TGFBR3: variants seen among roughly 807,000 people sequenced by gnomAD.
The protein encoded by TGFBR3 is transforming growth factor beta receptor 3.
Under a neutral mutation model 87.9 loss-of-function variants are expected in TGFBR3, and 46 were observed. That is an observed-to-expected ratio of 0.52 (90% confidence interval 0.41 to 0.67). TGFBR3 has a LOEUF of 0.67. TGFBR3 is among the 30% of genes least tolerant of loss of function. TGFBR3 has a pLI of 0.00. For synonymous variants in TGFBR3, 381 were observed against 391.6 expected (o/e 0.97, Z 0.32); for missense variants, 866 against 1,041.9 (o/e 0.83, Z 2.32).
chr1:91,805,513 T>G (rs1407416085), intron 2 of TGFBR3, among the ~76,000 whole-genome samples: 1 of 152,196 alleles, frequency 6.6e-6, no homozygotes, highest in Non-Finnish European at 1.5e-5. Flanking sequence ...TTTACTGACC[T>G]GAAGACAGCA....
At chr1:91,777,438 CT>C (rs1674603721) in intron 3 of TGFBR3, among the ~76,000 whole-genome samples, 1 of 152,170 alleles carries the variant, frequency 6.6e-6, no homozygotes, top group South Asian at 2.1e-4. Flanking sequence ...GTCTCCTCCC[CT>C]AGTCTTGGAA....
intron 1 of TGFBR3, among the ~76,000 whole-genome samples, chr1:91,874,344 A>T (rs1678702446): frequency 6.6e-6 from 1 of 152,192 alleles, no homozygotes. Context: ...TCAGGGACCA[A>T]CAGTCAGGTG....
intron 14 of TGFBR3, 122 bp downstream of exon 14, chr1:91,708,541 A>G: frequency 6.6e-7 from 1 of 1,524,388 alleles, no homozygotes; most frequent in Non-Finnish European, 9.0e-7. Context: ...ATGGTCTTCT[A>G]AAGTAACTAA....
intron 1 of TGFBR3, among the ~76,000 whole-genome samples, chr1:91,875,862 C>T (rs1268532673): frequency 2.6e-5 from 3 of 116,270 alleles, no homozygotes; most frequent in Non-Finnish European, 3.3e-5. Flanking sequence ...AGTGAGCCAA[C>T]GTCGTGCCAA....
rs1006781143 is a variant in TGFBR3 at position 91,683,333 on chromosome 1, C to T, written c.*406G>A. On this transcript the variant is annotated 3_prime_UTR_variant, in exon 17 of 17. Coordinates refer to ENST00000212355, the MANE Select transcript of TGFBR3 (RefSeq NM_003243.5). ...CTTTGGCCGCATCTCCTCACTGGTT[C>T]TACTATCTGGCTATTAACCCTTTAC... 11 of 470,056 alleles carry T rather than the reference C, an allele frequency of 2.3e-5. No individual in the cohort carries two copies. The highest frequency in any genetic ancestry group is 4.7e-5 in the Admixed American group (2 of 43,002). The allele number at this position is 470,056 out of a possible 1,614,324, so 29.1% of individuals were successfully genotyped here.
Position 91,904,777 on chromosome 1 carries a change from G to A in TGFBR3, c.-175+1049C>T, listed in dbSNP as rs1679808529. On this transcript the variant is annotated intron_variant, in intron 1 of 17. Transcript: ENST00000370399. ...GACAGGGTTTTGTCATGTTGGCCAG[G>A]CTGGTCTCGAACTCCTGACCTCAGG... 3.3e-5 allele frequency among the ~76,000 whole-genome samples: 5 copies of A among 152,138 alleles called. No individual in the cohort carries two copies. The South Asian group carries it at 1.0e-3, about 32-fold the overall frequency.
At chr1:91,836,994 T>C (rs1347208780) in intron 2 of TGFBR3, among the ~76,000 whole-genome samples, 1 of 152,264 alleles carries the variant, frequency 6.6e-6, no homozygotes, top group East Asian at 1.9e-4. Context: ...GACAAGATAC[T>C]ACTGGCTTCC....
chr1:91,774,204 C>A (rs1289791257), intron 3 of TGFBR3, among the ~76,000 whole-genome samples: 1 of 151,674 alleles, frequency 6.6e-6, no homozygotes, highest in African/African-American at 2.4e-5. Context: ...GTGGCACGAT[C>A]TCGGCTCACT....
At chr1:91,862,635 C>T (rs895629504) in intron 1 of TGFBR3, among the ~76,000 whole-genome samples, 2 of 152,158 alleles carry the variant, frequency 1.3e-5, no homozygotes, top group Non-Finnish European at 2.9e-5. Context: ...CTGATTTAGA[C>T]ACTCCAAAGT....
chr1:91,816,243 A>G (rs1422166336), intron 2 of TGFBR3, among the ~76,000 whole-genome samples: 1 of 152,196 alleles, frequency 6.6e-6, no homozygotes, highest in Non-Finnish European at 1.5e-5. Context: ...AAAAGAAAAC[A>G]ACCCATCTCA....
chr1:91,785,622 G>A (rs1674928053), intron 3 of TGFBR3, among the ~76,000 whole-genome samples: 1 of 152,016 alleles, frequency 6.6e-6, no homozygotes, highest in Non-Finnish European at 1.5e-5. Context: ...CACACCTGGC[G>A]CCCACTCTGT....
chr1:91,778,584 TTAA>T lies in TGFBR3; in HGVS notation c.246+18700_246+18702del, dbSNP rs1363514651. On this transcript the variant is annotated intron_variant, in intron 3 of 16. Transcript: ENST00000212355. ...ATAACTAGATCTTCAAAAAATATAA[TTAA>T]TGAGAAACTTCCATATATAGAATTT... Among the ~76,000 whole-genome samples, 6 of 152,292 alleles carry T rather than the reference TTAA, an allele frequency of 3.9e-5. No individual in the cohort carries two copies. The East Asian group carries it at 7.7e-4, about 20-fold the overall frequency.
Position 91,683,252 on chromosome 1 carries a change from G to T in TGFBR3, c.*487C>A. On this transcript the variant is annotated 3_prime_UTR_variant, in exon 17 of 17. Coordinates refer to ENST00000212355, the MANE Select transcript of TGFBR3 (RefSeq NM_003243.5). ...AAGGTGCAAATTAGACAGGAGGATC[G>T]CTTAGAAAGCCTCAAAGCATTTCTT... The T allele has an allele frequency of 2.2e-6, 1 of 454,908 alleles. No homozygotes were observed. The highest frequency in any genetic ancestry group is 1.6e-5 in the South Asian group (1 of 64,482). 28.2% of individuals were successfully genotyped at this position (454,908 alleles called of 1,614,324 possible).
intron 3 of TGFBR3, among the ~76,000 whole-genome samples, chr1:91,781,108 A>T (rs1390707315): frequency 6.6e-6 from 1 of 152,176 alleles, no homozygotes; most frequent in Admixed American, 6.5e-5. Flanking sequence ...GAAGCCACCC[A>T]TGGCCTATGA....
At chr1:91,791,401 T>C (rs2100991941) in intron 3 of TGFBR3, among the ~76,000 whole-genome samples, 1 of 152,194 alleles carries the variant, frequency 6.6e-6, no homozygotes, top group South Asian at 2.1e-4. Context: ...TTATAATTAC[T>C]GACATGTGGT....
chr1:91,804,101 A>G (rs1038246680), intron 2 of TGFBR3, among the ~76,000 whole-genome samples: 15 of 152,150 alleles, frequency 9.9e-5, no homozygotes, highest in Admixed American at 3.9e-4. Context: ...CTTTGTGCCA[A>G]TAAGGGACTG....
chr1:91,797,940 G>A (rs951177363), intron 2 of TGFBR3, among the ~76,000 whole-genome samples: 6 of 152,134 alleles, frequency 3.9e-5, no homozygotes, highest in African/African-American at 1.2e-4. Flanking sequence ...GAACAATACA[G>A]AGCAAGATGT....
At chr1:91,699,564 T>C (rs1486854387) in intron 14 of TGFBR3, among the ~76,000 whole-genome samples, 3 of 151,412 alleles carry the variant, frequency 2.0e-5, no homozygotes, top group Non-Finnish European at 2.9e-5. Flanking sequence ...AAAATGTTAA[T>C]GTACTTTTTG....
In TGFBR3 at chr1:91,758,472, A is replaced by G. The variant is rs1159611669; in HGVS notation, c.384+141T>C. 8.0e-6 allele frequency: 8 copies of G among 1,002,334 alleles called. No individual in the cohort carries two copies. The East Asian group carries it at 1.9e-4, about 24-fold the overall frequency. 62.1% of individuals were successfully genotyped at this position (1,002,334 alleles called of 1,614,324 possible). ...TCTATGTCATCATCCAAATATCACT[A>G]AGTGCATCCTCCAAATTTAACACTC... On this transcript the variant is annotated intron_variant, in intron 4 of 16. Transcript: ENST00000212355.
Sources: allele counts gnomAD v4.1 joint callset (sites outside exome capture counted in the v4.1 genomes callset), GRCh38; gene constraint gnomAD v4.1.1; transcripts MANE v1.5; gene names NCBI Gene and HGNC (gene_info 2026-07-23, HGNC 2026-07-21).